NADK2: variants seen among roughly 807,000 people sequenced by gnomAD.
NADK2 encodes the protein NAD kinase 2, mitochondrial, also known as NAD kinase domain-containing protein 1, mitochondrial.
A neutral mutation model predicts 62.1 loss-of-function variants in NADK2; 35 were observed. The ratio of observed to expected loss-of-function variants is 0.56; its 90% CI spans 0.43 to 0.75. The LOEUF is 0.75. NADK2 is among the 30% of genes least tolerant of loss of function. NADK2 has a pLI of 0.00. For missense variants in NADK2, 439 were observed against 561.3 expected (o/e 0.78, Z 2.20); for synonymous variants, 205 against 207.9 (o/e 0.99, Z 0.12).
Position 36,196,673 on chromosome 5 carries a change from A to T in NADK2, c.1190+868T>A, listed in dbSNP as rs115869384. Among the ~76,000 whole-genome samples the T allele has an allele frequency of 8.9e-3, 1,353 of 152,164 alleles. 17 individuals carry two copies. Among genetic ancestry groups the T allele is most frequent in the African/African-American group, 0.03 (1,263 of 41,528 alleles). On this transcript the variant is annotated intron_variant, in intron 11 of 11. Transcript: ENST00000381937. ...TTGTTGTTATAGTGCTTTTTATGAC[A>T]TGTTTAAGAAATCTTTTCCATGTCA...
At chr5:36,195,689 C>A (rs1746205095) in intron 11 of NADK2, among the ~76,000 whole-genome samples, 2 of 151,950 alleles carry the variant, frequency 1.3e-5, no homozygotes, top group Admixed American at 6.6e-5. Flanking sequence ...CAGGTATACA[C>A]CCAAATTATT....
chr5:36,231,462 T>C lies in NADK2; in HGVS notation c.301-3897A>G, dbSNP rs376081389. ...TCATCCTCAACATTCATTTAGAGAA[T>C]GTAAGTTCTTATTTTCTTTAAAGGC... On this transcript the variant is annotated intron_variant, in intron 1 of 11. Coordinates refer to ENST00000381937, the MANE Select transcript of NADK2 (RefSeq NM_001085411.3). Among the ~76,000 whole-genome samples, 5 of 152,332 alleles carry C rather than the reference T, an allele frequency of 3.3e-5. No homozygotes were observed. The East Asian group carries it at 7.7e-4, about 23-fold the overall frequency.
In NADK2 at chr5:36,193,773, G is replaced by T. The variant is rs1746118479; in HGVS notation, c.*1371C>A. ...GATAAGAACAACATGTTAAATATTG[G>T]CAAAACTAAGAGCACTCAATTCGAC... On this transcript the variant is annotated 3_prime_UTR_variant, in exon 12 of 12. Coordinates refer to ENST00000381937, the MANE Select transcript of NADK2 (RefSeq NM_001085411.3). The T allele has an allele frequency of 6.6e-6, 1 of 152,328 alleles. No individual in the cohort carries two copies. Among genetic ancestry groups the T allele is most frequent in the South Asian group, 2.1e-4 (1 of 4,798 alleles). 9.4% of individuals were successfully genotyped at this position (152,328 alleles called of 1,614,324 possible).
chr5:36,199,795 C>CT (rs1314993633), intron 10 of NADK2, among the ~76,000 whole-genome samples: 4 of 151,946 alleles, frequency 2.6e-5, no homozygotes, highest in African/African-American at 9.7e-5. Flanking sequence ...CACTAATTCT[C>CT]TTACAGGAAT....
intron 1 of NADK2, among the ~76,000 whole-genome samples, chr5:36,240,091 T>C (rs1415683488): frequency 1.3e-5 from 2 of 152,210 alleles, no homozygotes; most frequent in Non-Finnish European, 1.5e-5. Flanking sequence ...TTTCCCCAAA[T>C]AGTAACACTG....
At chr5:36,212,217 G>C (rs1746875561) in intron 6 of NADK2, 1 of 194,662 alleles carries the variant, frequency 5.1e-6, no homozygotes, top group African/African-American at 2.3e-5. Context: ...AAAGATTCTT[G>C]TTGTTACACT....
chr5:36,231,309 T>C (rs1321127827), intron 1 of NADK2, among the ~76,000 whole-genome samples: 1 of 152,142 alleles, frequency 6.6e-6, no homozygotes, highest in Non-Finnish European at 1.5e-5. Context: ...ATAATAAAAT[T>C]CCTAAAATTC....
At chr5:36,197,968 AG>A (rs1322978749) in intron 10 of NADK2, among the ~76,000 whole-genome samples, 2 of 152,098 alleles carry the variant, frequency 1.3e-5, no homozygotes, top group Non-Finnish European at 2.9e-5. Context: ...ATTAAACAAT[AG>A]AGGAATTAGA....
intron 11 of NADK2, 103 bp downstream of exon 11, chr5:36,197,438 T>A: frequency 6.7e-7 from 1 of 1,482,988 alleles, no homozygotes; most frequent in South Asian, 1.2e-5. Flanking sequence ...TAGATTAAGT[T>A]TGAATGAGCA....
At chr5:36,238,610 T>C (rs1747994526) in intron 1 of NADK2, among the ~76,000 whole-genome samples, 1 of 152,244 alleles carries the variant, frequency 6.6e-6, no homozygotes, top group African/African-American at 2.4e-5. Flanking sequence ...TCTAGAGTTC[T>C]AATTTGTGTC....
rs1746175814 is a variant in NADK2 at position 36,195,022 on chromosome 5, C to A, written c.*122G>T. ...CAACAGAAGAATAATGCAAATCTCA[C>A]TTCTGAGCCCACGGGCAAGCAGTCT... On this transcript the variant is annotated 3_prime_UTR_variant, in exon 12 of 12. Transcript: ENST00000381937. The A allele has an allele frequency of 5.0e-6, 5 of 999,968 alleles. No homozygotes were observed. The highest frequency in any genetic ancestry group is 7.2e-6 in the Non-Finnish European group (5 of 693,356). 61.9% of individuals were successfully genotyped at this position (999,968 alleles called of 1,614,324 possible).
rs1746185457 is a variant in NADK2 at position 36,195,222 on chromosome 5, A to G, written c.1251T>C (p.Phe417=). The G allele has an allele frequency of 1.2e-6, 2 of 1,613,584 alleles. No homozygotes were observed. The highest frequency in any genetic ancestry group is 4.5e-5 in the East Asian group (2 of 44,858). Residue 417 remains phenylalanine (F), a synonymous_variant, in exon 12 of 12, where the codon TTT becomes TTC. Transcript: ENST00000381937. ...ACMVVDGGTS[F]EFNDGAIASM... ...AAGCAATTGCACCATCATTAAACTC[A>G]AAAGAAGTTCCTCCATCCACAACCA...
chr5:36,198,897 C>A (rs373309128), intron 10 of NADK2, among the ~76,000 whole-genome samples: 1 of 151,638 alleles, frequency 6.6e-6, no homozygotes, highest in African/African-American at 2.4e-5. Flanking sequence ...AACTGTCCCC[C>A]CAACAAAGGA....
At chr5:36,237,926 A>G (rs1299966531) in intron 1 of NADK2, among the ~76,000 whole-genome samples, 1 of 152,140 alleles carries the variant, frequency 6.6e-6, no homozygotes, top group African/African-American at 2.4e-5. Context: ...CTGCATTTTA[A>G]CAAGTACTCT....
intron 9 of NADK2, 62 bp downstream of exon 9, chr5:36,201,044 G>T (rs895483674): frequency 7.1e-7 from 1 of 1,406,202 alleles, no homozygotes; most frequent in Non-Finnish European, 1.0e-6. Flanking sequence ...TTCACTGGGG[G>T]TTCTGGAACT....
At chr5:36,197,742 TC>T in intron 10 of NADK2, 78 bp from the exon 11 acceptor site, 1 of 1,207,392 alleles carries the variant, frequency 8.3e-7, no homozygotes, top group Non-Finnish European at 1.1e-6. Context: ...ATAGATGCCA[TC>T]CCCCATTTAA....
rs1748109899 is a variant in NADK2, at chr5:36,241,341, A to G, written c.300+158T>C. On this transcript the variant is annotated intron_variant, in intron 1 of 11. Transcript: ENST00000381937. This position sits in a 1 kb window ranked among gnomAD's most constrained non-coding sequence, Gnocchi z 4.9. ...ACACGCCCAAAGGCAAAGGAGGCCCAGGGAGAAGCCAGAGGACCTGGGGGC... is the reference window on the plus strand; with the variant it reads ...ACACGCCCAAAGGCAAAGGAGGCCCGGGGAGAAGCCAGAGGACCTGGGGGC... 4 of 1,299,174 alleles carry G rather than the reference A, an allele frequency of 3.1e-6. No individual in the cohort carries two copies. The South Asian group carries it at 7.0e-5, about 23-fold the overall frequency. 80.5% of individuals were successfully genotyped at this position (1,299,174 alleles called of 1,614,324 possible). A position where few individuals can be genotyped will look rare whatever the true frequency, so the allele number is the denominator to read the frequency against.
At chr5:36,219,280 G>A (rs766681422) in intron 5 of NADK2, among the ~76,000 whole-genome samples, 1 of 151,930 alleles carries the variant, frequency 6.6e-6, no homozygotes, top group Non-Finnish European at 1.5e-5. Context: ...GCATGATCTC[G>A]GCTCACTGGA....
chr5:36,223,912 G>A (rs1747374041), intron 4 of NADK2, among the ~76,000 whole-genome samples: 1 of 152,146 alleles, frequency 6.6e-6, no homozygotes, highest in Non-Finnish European at 1.5e-5. Flanking sequence ...GGAGTCAAGT[G>A]TGAAGGGAGA....
Sources: allele counts gnomAD v4.1 joint callset (sites outside exome capture counted in the v4.1 genomes callset), GRCh38; gene constraint gnomAD v4.1.1; non-coding constraint Gnocchi (gnomAD v3.1); transcripts MANE v1.5; gene names NCBI Gene and HGNC (gene_info 2026-07-23, HGNC 2026-07-21).